Variants in STAC observed in about 807,000 individuals in gnomAD.
The protein encoded by STAC is SH3 and cysteine-rich domain-containing protein.
Under a neutral mutation model 48.8 loss-of-function variants are expected in STAC, and 43 were observed. That is an observed-to-expected ratio of 0.88 (90% CI 0.69 to 1.14). The LOEUF (loss-of-function observed/expected upper bound fraction) is 1.14. Ranked by LOEUF, STAC falls within the 50% of genes most tolerant of loss-of-function variation. The pLI is 0.00. For synonymous variants in STAC, 193 were observed against 179.5 expected (o/e 1.07, Z -0.60); for missense variants, 497 against 504.0 (o/e 0.99, Z 0.13).
At chr3:36,405,269 CT>C (rs766441652) in intron 1 of STAC, among the ~76,000 whole-genome samples, 233 of 152,316 alleles carry the variant, frequency 1.5e-3, no homozygotes, top group Middle Eastern at 3.4e-3. Flanking sequence ...CTTGCTACCC[CT>C]GACTTACTGT....
chr3:36,439,599 T>C (rs537846580), intron 1 of STAC, among the ~76,000 whole-genome samples: 1 of 152,340 alleles, frequency 6.6e-6, no homozygotes, highest in East Asian at 1.9e-4. Context: ...TTCCTGTTCA[T>C]TTTAATGTAT....
intron 1 of STAC, among the ~76,000 whole-genome samples, chr3:36,442,431 G>T (rs1696374547): frequency 6.6e-6 from 1 of 152,182 alleles, no homozygotes; most frequent in African/African-American, 2.4e-5. Context: ...GACTAGGGAT[G>T]AGAAAGCAGA....
Position 36,380,548 on chromosome 3 carries a change from C to T in STAC, c.-96C>T, listed in dbSNP as rs1699483702. On this transcript the variant is annotated 5_prime_UTR_variant, in exon 1 of 11. Coordinates refer to ENST00000273183, the MANE Select transcript of STAC (RefSeq NM_003149.3). Reference sequence around the variant, plus strand: ...CGGCGAGGATGGGAGTCCCCAGGACCCGGAGCTGAGCAGCCTGGCGCGCGG... The same window carrying T: ...CGGCGAGGATGGGAGTCCCCAGGACTCGGAGCTGAGCAGCCTGGCGCGCGG... 3 of 998,528 alleles carry T rather than the reference C, an allele frequency of 3.0e-6. No individual in the cohort carries two copies. Among genetic ancestry groups the T allele is most frequent in the South Asian group, 2.8e-5 (2 of 70,428 alleles). The allele number at this position is 998,528 out of a possible 1,614,324, so 61.9% of individuals were successfully genotyped here. A position where few individuals can be genotyped will look rare whatever the true frequency, so the allele number is the denominator to read the frequency against.
intron 10 of STAC, among the ~76,000 whole-genome samples, chr3:36,537,494 G>A (rs1239228770): frequency 6.6e-6 from 1 of 152,134 alleles, no homozygotes; most frequent in Non-Finnish European, 1.5e-5. Context: ...GCTGAACAAT[G>A]AGAACACATG....
At chr3:36,500,708 T>C (rs534661346) in intron 6 of STAC, among the ~76,000 whole-genome samples, 1 of 152,330 alleles carries the variant, frequency 6.6e-6, no homozygotes, top group East Asian at 1.9e-4. Context: ...GAATACATCT[T>C]TCTGACCACA....
At chr3:36,390,361 G>T (rs1699723845) in intron 1 of STAC, among the ~76,000 whole-genome samples, 2 of 151,022 alleles carry the variant, frequency 1.3e-5, no homozygotes, top group African/African-American at 4.9e-5. Context: ...CGTGTTCCTA[G>T]CTTATGAAGA....
intron 2 of STAC, 84 bp from the exon 3 acceptor site, chr3:36,482,908 G>A: frequency 6.9e-6 from 6 of 870,914 alleles, no homozygotes; most frequent in Non-Finnish European, 1.1e-5. Flanking sequence ...AATTACCTGG[G>A]GAACCTCATT....
At chr3:36,482,935 T>G in intron 2 of STAC, 57 bp from the exon 3 acceptor site, 1 of 1,224,228 alleles carries the variant, frequency 8.2e-7, no homozygotes, top group Non-Finnish European at 1.2e-6. Context: ...GATTTTAGAC[T>G]AATCAGCAGG....
chr3:36,509,055 C>A (rs906905437), intron 8 of STAC, among the ~76,000 whole-genome samples: 1 of 152,054 alleles, frequency 6.6e-6, no homozygotes, highest in Non-Finnish European at 1.5e-5. Flanking sequence ...TGGCTAGTAC[C>A]AGTTGTTCCT....
chr3:36,433,714 A>T (rs1485659401), intron 1 of STAC, among the ~76,000 whole-genome samples: 1 of 152,176 alleles, frequency 6.6e-6, no homozygotes, highest in African/African-American at 2.4e-5. Flanking sequence ...GCTGGAAGGG[A>T]ACTTTGCAGC....
In STAC at chr3:36,443,312, G is replaced by T; in HGVS notation, c.112-52G>T. ...AGCAGACCTTACCCCCACAGCCTAG[G>T]TCTGCTTGATCCATTGATCGTAAGA... On this transcript the variant is annotated intron_variant, in intron 1 of 10. Coordinates refer to ENST00000273183, the MANE Select transcript of STAC (RefSeq NM_003149.3). This position sits in a 1 kb window ranked among gnomAD's most constrained non-coding sequence, Gnocchi z 4.2. 1 of 1,605,480 alleles carries T rather than the reference G, an allele frequency of 6.2e-7. No individual in the cohort carries two copies. The highest frequency in any genetic ancestry group is 1.3e-5 in the African/African-American group (1 of 74,900).
intron 8 of STAC, among the ~76,000 whole-genome samples, chr3:36,513,851 G>A (rs951485301): frequency 6.6e-6 from 1 of 151,960 alleles, no homozygotes; most frequent in African/African-American, 2.4e-5. Context: ...GGAGCAAAAG[G>A]GGGGGAGGGG....
At chr3:36,476,513 C>T (rs565415353) in intron 2 of STAC, among the ~76,000 whole-genome samples, 4 of 152,282 alleles carry the variant, frequency 2.6e-5, no homozygotes, top group Admixed American at 2.0e-4. Flanking sequence ...AAAGGAGGAA[C>T]CCAAGGTTTC....
At chr3:36,450,470 C>T (rs6768006) in intron 2 of STAC, among the ~76,000 whole-genome samples, 132,644 of 152,168 alleles carry the variant, frequency 0.87, 58,068 homozygotes, top group African/African-American at 0.95. Flanking sequence ...AATGCAAAGA[C>T]ACTTGGTGCA....
chr3:36,434,207 C>G (rs28670093), intron 1 of STAC, among the ~76,000 whole-genome samples: 1,549 of 152,250 alleles, frequency 0.01, 27 homozygotes, highest in African/African-American at 0.035. Context: ...GTGAAGGGAG[C>G]TGGCTTCGAG....
intron 2 of STAC, among the ~76,000 whole-genome samples, chr3:36,455,658 G>T (rs940819737): frequency 6.6e-6 from 1 of 152,150 alleles, no homozygotes; most frequent in African/African-American, 2.4e-5. Context: ...CCTCTTTGTT[G>T]TGCAGCCACA....
chr3:36,465,312 T>A (rs1697137522), intron 2 of STAC, among the ~76,000 whole-genome samples: 1 of 152,172 alleles, frequency 6.6e-6, no homozygotes, highest in African/African-American at 2.4e-5. Context: ...TGAGATTGTT[T>A]ATTTTCTTCC....
At chr3:36,448,993 C>A (rs951077115) in intron 2 of STAC, among the ~76,000 whole-genome samples, 1 of 151,648 alleles carries the variant, frequency 6.6e-6, no homozygotes, top group Non-Finnish European at 1.5e-5. Flanking sequence ...GTAGCACACA[C>A]CTGTAGTCTC....
intron 1 of STAC, 33 bp downstream of exon 1, chr3:36,380,787 A>G (rs1699492336): frequency 1.3e-6 from 2 of 1,521,940 alleles, no homozygotes; most frequent in South Asian, 1.2e-5. Context: ...AGAGAACACA[A>G]ACTCACTCTC....
Sources: allele counts gnomAD v4.1 joint callset (sites outside exome capture counted in the v4.1 genomes callset), GRCh38; gene constraint gnomAD v4.1.1; non-coding constraint Gnocchi (gnomAD v3.1); transcripts MANE v1.5; gene names NCBI Gene and HGNC (gene_info 2026-07-23, HGNC 2026-07-21).